The following MLLT3 variants were observed in gnomAD, a reference collection of about 807,000 sequenced individuals.
MLLT3 encodes protein AF-9.
MLLT3 carries 4 observed loss-of-function variants against 53.2 expected under a neutral mutation model. That is an observed-to-expected ratio of 0.08 (90% CI 0.04 to 0.17). The LOEUF (loss-of-function observed/expected upper bound fraction) is 0.17, where lower values mean the gene tolerates loss of function less well. Among genes scored for constraint, MLLT3 ranks in the 10% least tolerant of loss-of-function variants. The pLI, the probability that MLLT3 is intolerant of heterozygous loss-of-function variation, is 1.00. For missense variants in MLLT3, 569 were observed against 684.0 expected (o/e 0.83, Z 1.87); for synonymous variants, 283 against 230.6 (o/e 1.23, Z -2.06).
At position 20,456,747 on chromosome 9, in the gene MLLT3, T is replaced by C; in HGVS notation, c.233A>G (p.Tyr78Cys). ...TTCAATTGGCAAAATGAAACCAGCA[T>C]ACCCAGATTCTTCTACTTTGTAAGG... is the stretch of plus-strand genomic sequence containing the variant. ...DPPYKVEESG[Y>C]AGFILPIEVY... The change falls in exon 3 of 11, where the codon TAT (tyrosine) becomes TGT (cysteine). Residue 78 changes from tyrosine to cysteine, a missense_variant. Coordinates refer to ENST00000380338, the MANE Select transcript of MLLT3 (RefSeq NM_004529.4). 1 of 1,606,172 alleles carries C rather than the reference T, an allele frequency of 6.2e-7. No individual in the cohort carries two copies. The highest frequency in any genetic ancestry group is 8.5e-7 in the Non-Finnish European group (1 of 1,177,940).
intron 4 of MLLT3, chr9:20,415,330 A>G: frequency 3.2e-6 from 1 of 313,188 alleles, no homozygotes; most frequent in Non-Finnish European, 4.6e-6. Context: ...ATTGCTGCCT[A>G]TTTCATTTTA....
chr9:20,424,184 G>A (rs973706548), intron 4 of MLLT3, among the ~76,000 whole-genome samples: 1 of 152,122 alleles, frequency 6.6e-6, no homozygotes, highest in African/African-American at 2.4e-5. Context: ...TGAATACTGA[G>A]AGGCAACTGT....
intron 2 of MLLT3, among the ~76,000 whole-genome samples, chr9:20,610,857 A>G (rs1183850909): frequency 6.6e-6 from 1 of 152,196 alleles, no homozygotes; most frequent in Admixed American, 6.5e-5. Flanking sequence ...AAAAAGTCAT[A>G]CAACAAGCAT....
At chr9:20,424,433 A>C (rs555174782) in intron 4 of MLLT3, among the ~76,000 whole-genome samples, 15 of 152,288 alleles carry the variant, frequency 9.8e-5, no homozygotes, top group Non-Finnish European at 1.8e-4. Context: ...ATCTCACATT[A>C]AATGTTTTCA....
In MLLT3 at chr9:20,621,632, A is replaced by G. The variant is rs2131219966; in HGVS notation, c.12+613T>C. The G allele has an allele frequency of 2.5e-6, 2 of 793,872 alleles. No homozygotes were observed. The highest frequency in any genetic ancestry group is 3.7e-6 in the Non-Finnish European group (2 of 537,930). The allele number at this position is 793,872 out of a possible 1,614,324, so 49.2% of individuals were successfully genotyped here. A position where few individuals can be genotyped will look rare whatever the true frequency, so the allele number is the denominator to read the frequency against. ...CCTCCCCCCAAAAAATGAAATTCAGAAAGGCAGGGCGGCGGGCGGACAGCC... is the reference window on the plus strand; with the variant it reads ...CCTCCCCCCAAAAAATGAAATTCAGGAAGGCAGGGCGGCGGGCGGACAGCC... On this transcript the variant is annotated intron_variant, in intron 1 of 10. Transcript: ENST00000380338. This position sits in a 1 kb window ranked among gnomAD's most constrained non-coding sequence, Gnocchi z 7.0.
chr9:20,401,282 T>C (rs1251659594), intron 5 of MLLT3, among the ~76,000 whole-genome samples: 9 of 152,032 alleles, frequency 5.9e-5, no homozygotes, highest in Admixed American at 2.0e-4. Context: ...TTTGAAAAAA[T>C]ATGTTAATAA....
chr9:20,465,390 G>A (rs1375939944), intron 2 of MLLT3, among the ~76,000 whole-genome samples: 1 of 151,928 alleles, frequency 6.6e-6, no homozygotes. Context: ...TTTTAAATAC[G>A]CTACACCCAT....
chr9:20,509,512 G>C (rs1345331967), intron 2 of MLLT3, among the ~76,000 whole-genome samples: 1 of 152,120 alleles, frequency 6.6e-6, no homozygotes, highest in African/African-American at 2.4e-5. Flanking sequence ...ATTTGTTGAA[G>C]ATGTGTTTCT....
Position 20,622,468 on chromosome 9 carries a change from G to A in MLLT3, c.-212C>T. ...AGCCCCAAAAGCAAAAGCAGCAGCA[G>A]CAGCAGCAGCTCCAGGGTAAAGAAG... On this transcript the variant is annotated 5_prime_UTR_variant, in exon 1 of 11. Coordinates refer to ENST00000380338, the MANE Select transcript of MLLT3 (RefSeq NM_004529.4). 1 of 540,128 alleles carries A rather than the reference G, an allele frequency of 1.9e-6. No homozygotes were observed. Among genetic ancestry groups the A allele is most frequent in the Non-Finnish European group, 3.3e-6 (1 of 304,818 alleles). The allele number at this position is 540,128 out of a possible 1,614,324, so 33.5% of individuals were successfully genotyped here. A position where few individuals can be genotyped will look rare whatever the true frequency, so the allele number is the denominator to read the frequency against.
At position 20,429,551 on chromosome 9, in the gene MLLT3, G is replaced by A. The variant is rs199549217; in HGVS notation, c.421-15126C>T. ...GCATAACTAATCCAATTGTAGGGGG[G>A]AAAAAAAGGAAAAAAATCTAATAGA... On this transcript the variant is annotated intron_variant, in intron 4 of 10. Transcript: ENST00000380338. 2.6e-5 allele frequency among the ~76,000 whole-genome samples: 4 copies of A among 151,538 alleles called. No individual in the cohort carries two copies. The East Asian group carries it at 7.7e-4, about 29-fold the overall frequency.
chr9:20,436,163 A>G (rs1823396951), intron 4 of MLLT3, among the ~76,000 whole-genome samples: 1 of 152,172 alleles, frequency 6.6e-6, no homozygotes, highest in Non-Finnish European at 1.5e-5. Context: ...GCTTTTTCAT[A>G]TGCTGATTAA....
In MLLT3 at chr9:20,588,321, G is replaced by A. The variant is rs1411998200; in HGVS notation, c.193+32333C>T. Among the ~76,000 whole-genome samples the A allele has an allele frequency of 6.0e-3, 901 of 150,060 alleles. 10 individuals carry two copies. The highest frequency in any genetic ancestry group is 0.021 in the African/African-American group (864 of 40,916). ...TTTGGCTTAGGATTGACTTGGCGAT[G>A]CGGGCTCTTTTTTGGTTCCATATGA... On this transcript the variant is annotated intron_variant, in intron 2 of 10. Coordinates refer to ENST00000380338, the MANE Select transcript of MLLT3 (RefSeq NM_004529.4).
At chr9:20,444,498 A>C (rs1216507258) in intron 4 of MLLT3, among the ~76,000 whole-genome samples, 1 of 152,124 alleles carries the variant, frequency 6.6e-6, no homozygotes, top group East Asian at 1.9e-4. Context: ...TTATATAATA[A>C]ATATGAATAA....
chr9:20,413,836 T>C lies in MLLT3; in HGVS notation c.1010A>G (p.Lys337Arg). The C allele has an allele frequency of 6.2e-7, 1 of 1,614,116 alleles. No homozygotes were observed. Among genetic ancestry groups the C allele is most frequent in the Non-Finnish European group, 8.5e-7 (1 of 1,180,018 alleles). ...TGATGTCTCACTTTCAATTTTGACC[T>C]TTCCCATCTTGACATGAGATTTATC... Reference protein sequence around the residue: ...IKDKSHVKMGKVKIESETSEK... With the variant: ...IKDKSHVKMGRVKIESETSEK... The change falls in exon 5 of 11, where the codon AAG (lysine) becomes AGG (arginine). Residue 337 changes from lysine to arginine, a missense_variant. Lys to Arg is a conservative substitution (Grantham distance 26). Transcript: ENST00000380338.
rs1182052378 is a variant in MLLT3 at position 20,341,919 on chromosome 9, CAG to C, written c.*4522_*4523del. 1.5e-5 allele frequency: 3 copies of C among 202,140 alleles called. No individual in the cohort carries two copies. Among genetic ancestry groups the C allele is most frequent in the Admixed American group, 6.0e-5 (1 of 16,678 alleles). The allele number at this position is 202,140 out of a possible 1,614,324, so 12.5% of individuals were successfully genotyped here. A position where few individuals can be genotyped will look rare whatever the true frequency, so the allele number is the denominator to read the frequency against. On this transcript the variant is annotated 3_prime_UTR_variant, in exon 11 of 11. Transcript: ENST00000380338. ...CCACCACTTCTTGTTCCAATCTTTG[CAG>C]AGTTTTAAAAATATTATATATATAC...
rs1185131903 is a variant in MLLT3, at chr9:20,605,821, A to T, written c.193+14833T>A. ...GAGTCCTATATCATCATTTTATACC[A>T]TCTTAAGTAGAAGAAATCTCACTTC... On this transcript the variant is annotated intron_variant, in intron 2 of 10. Transcript: ENST00000380338. 2.0e-5 allele frequency among the ~76,000 whole-genome samples: 3 copies of T among 152,112 alleles called. No homozygotes were observed. The East Asian group carries it at 5.8e-4, about 29-fold the overall frequency.
intron 3 of MLLT3, among the ~76,000 whole-genome samples, chr9:20,455,988 G>A (rs1010239505): frequency 4.0e-5 from 6 of 149,570 alleles, no homozygotes; most frequent in Non-Finnish European, 8.9e-5. Context: ...ACCCAGGCTG[G>A]AATGCAGTAG....
chr9:20,489,484 TGTGG>T (rs1824893868), intron 2 of MLLT3, among the ~76,000 whole-genome samples: 1 of 152,236 alleles, frequency 6.6e-6, no homozygotes, highest in South Asian at 2.1e-4. Flanking sequence ...TAAGAGAAAC[TGTGG>T]GTGATTATCA....
At chr9:20,539,966 C>T (rs1587045223) in intron 2 of MLLT3, among the ~76,000 whole-genome samples, 1 of 152,204 alleles carries the variant, frequency 6.6e-6, no homozygotes, top group African/African-American at 2.4e-5. Context: ...TGGGTAAATG[C>T]TCCCATTCCA....
Sources: gnomAD v4.1 joint callset for allele counts (sites outside exome capture counted in the v4.1 genomes callset) on GRCh38, gnomAD v4.1.1 for gene constraint, Gnocchi (gnomAD v3.1) non-coding constraint, MANE v1.5 for transcripts, NCBI Gene and HGNC (gene_info 2026-07-23, HGNC 2026-07-21) for gene names.